Variants in DGKZ observed in about 807,000 individuals in gnomAD.
DGKZ encodes the protein diacylglycerol kinase zeta, also known as DAG kinase zeta.
A neutral mutation model predicts 142.5 loss-of-function variants in DGKZ; 45 were observed. The ratio of observed to expected loss-of-function variants is 0.32; its 90% confidence interval spans 0.25 to 0.40. The LOEUF is 0.40. Ranked by LOEUF, DGKZ falls within the 10% of genes least tolerant of loss-of-function variation. DGKZ has a pLI of 1.00. For synonymous variants in DGKZ, 442 were observed against 527.0 expected, an observed-to-expected ratio of 0.84 and a Z score of 2.21; for missense variants, 755 against 1,306.5, an observed-to-expected ratio of 0.58 and a Z score of 6.51.
chr11:46,375,268 C>T (rs1318533243), intron 19 of DGKZ, among the ~76,000 whole-genome samples, 164 bp from the exon 20 acceptor site: 1 of 152,218 alleles, frequency 6.6e-6, no homozygotes, highest in Non-Finnish European at 1.5e-5. Context: ...GCCTCTGTCC[C>T]TTCCCTTTCC....
At chr11:46,373,291 T>TG (rs920003985) in intron 14 of DGKZ, among the ~76,000 whole-genome samples, 190 bp downstream of exon 14, 6 of 141,582 alleles carry the variant, frequency 4.2e-5, no homozygotes, top group African/African-American at 5.3e-5. Flanking sequence ...TTTTGTTTTT[T>TG]TTTTTTTTTT....
chr11:46,365,069 G>T (rs1943097671), intron 1 of DGKZ: 1 of 985,432 alleles, frequency 1.0e-6, no homozygotes, highest in East Asian at 1.1e-4. Flanking sequence ...GGAGCTCGAT[G>T]CTGGCTGTGA....
At chr11:46,376,361 T>G (rs931662155) in exon 23 of DGKZ, 2 of 1,614,124 alleles carry the variant, frequency 1.2e-6, no homozygotes, top group Non-Finnish European at 1.7e-6. Flanking sequence ...GTCCCCGACA[T>G]GCCAGAAACT....
At chr11:46,346,336 G>A (rs1172234786), upstream of DGKZ, among the ~76,000 whole-genome samples, 1 of 152,156 alleles carries the variant, frequency 6.6e-6, no homozygotes, top group African/African-American at 2.4e-5. Context: ...TGGGCAGCAG[G>A]GTGGTAGGGT....
chr11:46,352,118 C>T (rs986315522), intron 1 of DGKZ, among the ~76,000 whole-genome samples: 8 of 152,230 alleles, frequency 5.3e-5, no homozygotes, highest in Admixed American at 2.6e-4. Context: ...CTCCAGAATT[C>T]GCCAGTGGCC....
chr11:46,374,671 G>A lies in DGKZ; in HGVS notation c.1524+5G>A, dbSNP rs1465205029. On this transcript the variant is annotated splice_donor_5th_base_variant and intron_variant, in intron 17 of 30. Transcript: ENST00000527911. ...GCCAAGCACATCCGAGTGGTGGTGA[G>A]CGGGGCCAGGCTGCCGTGGGTGGGT... 8.1e-6 allele frequency: 13 copies of A among 1,597,850 alleles called. No homozygotes were observed. Among genetic ancestry groups the A allele is most frequent in the Non-Finnish European group, 1.1e-5 (13 of 1,171,122 alleles).
At chr11:46,375,202 T>C (rs1944404102) in intron 19 of DGKZ, among the ~76,000 whole-genome samples, 157 bp downstream of exon 19, 1 of 152,144 alleles carries the variant, frequency 6.6e-6, no homozygotes, top group East Asian at 1.9e-4. Flanking sequence ...CCCCCTCTCC[T>C]CACTATGCCT....
intron 6 of DGKZ, among the ~76,000 whole-genome samples, chr11:46,370,328 A>G (rs893869342): frequency 2.6e-5 from 4 of 152,386 alleles, no homozygotes; most frequent in Non-Finnish European, 5.9e-5. Flanking sequence ...CCGAGCGCCA[A>G]GCTGGGCAGC....
chr11:46,378,145 C>G, intron 25 of DGKZ, 53 bp from the exon 26 acceptor site: 2 of 1,581,680 alleles, frequency 1.3e-6, no homozygotes, highest in South Asian at 2.3e-5. Context: ...TTGGGGAGGG[C>G]GACCAGCTGG....
Position 46,367,204 on chromosome 11 carries a change from C to A in DGKZ, c.162-87C>A. The A allele has an allele frequency of 7.3e-7, 1 of 1,364,078 alleles. No individual in the cohort carries two copies. Among genetic ancestry groups the A allele is most frequent in the Non-Finnish European group, 1.0e-6 (1 of 978,240 alleles). 84.5% of individuals were successfully genotyped at this position (1,364,078 alleles called of 1,614,324 possible). ...CCTCCGCCCTCCCTGTTGCCGAGGTCACGGAAAGGGCAGAGGCCCCAGGAG... is the reference window on the plus strand; with the variant it reads ...CCTCCGCCCTCCCTGTTGCCGAGGTAACGGAAAGGGCAGAGGCCCCAGGAG... On this transcript the variant is annotated intron_variant, in intron 1 of 30. Coordinates refer to ENST00000527911, the Ensembl canonical transcript of DGKZ. This position sits in a 1 kb window ranked among gnomAD's most constrained non-coding sequence, Gnocchi z 4.1.
intron 14 of DGKZ, 25 bp downstream of exon 14, chr11:46,373,126 G>A (rs1430325596): frequency 2.6e-6 from 4 of 1,530,176 alleles, no homozygotes; most frequent in African/African-American, 1.4e-5. Flanking sequence ...GTTGGTGGGG[G>A]GCAGGGCAGG....
At chr11:46,370,675 G>A (rs183656606) in intron 6 of DGKZ, among the ~76,000 whole-genome samples, 1 of 152,348 alleles carries the variant, frequency 6.6e-6, no homozygotes, top group East Asian at 1.9e-4. Context: ...AGCCTGCAGT[G>A]TGGCAGAACG....
At chr11:46,376,239 C>A (rs1944518892) in intron 22 of DGKZ, 89 bp from the exon 23 acceptor site, 1 of 1,603,772 alleles carries the variant, frequency 6.2e-7, no homozygotes, top group Non-Finnish European at 8.5e-7. Flanking sequence ...CCCTGCGGAG[C>A]CTCCTCTGTG....
In DGKZ at chr11:46,367,940, G is replaced by A. The variant is rs950849992; in HGVS notation, c.367-62G>A. 5.7e-6 allele frequency: 9 copies of A among 1,586,158 alleles called. No homozygotes were observed. Among genetic ancestry groups the A allele is most frequent in the Non-Finnish European group, 7.8e-6 (9 of 1,155,140 alleles). On this transcript the variant is annotated intron_variant, in intron 3 of 30. Transcript: ENST00000527911. This position sits in a 1 kb window ranked among gnomAD's most constrained non-coding sequence, Gnocchi z 4.1. ...GCACACAAAGGGCAGCTGTGCTGGG[G>A]CAGGCAGCCTCCGAGATAGACTTAC...
intron 1 of DGKZ, chr11:46,366,368 C>A: frequency 2.0e-6 from 3 of 1,521,892 alleles, no homozygotes; most frequent in East Asian, 2.4e-5. Context: ...GCGTCGCTCC[C>A]CCGCTGGGCA....
intron 26 of DGKZ, 41 bp downstream of exon 26, chr11:46,378,270 TG>T: frequency 6.3e-7 from 1 of 1,588,808 alleles, no homozygotes. Flanking sequence ...TCTGCCTGGT[TG>T]GGGGCAGGAG....
chr11:46,377,577 TCTCCATACC>T, intron 25 of DGKZ: 1 of 298,868 alleles, frequency 3.3e-6, no homozygotes, highest in South Asian at 6.7e-5. Flanking sequence ...CGAACCCCCA[TCTCCATACC>T]ACGGTCAACT....
intron 1 of DGKZ, among the ~76,000 whole-genome samples, chr11:46,352,700 G>A (rs1314126934): frequency 1.3e-5 from 2 of 152,258 alleles, no homozygotes; most frequent in Non-Finnish European, 2.9e-5. Flanking sequence ...CGGGGGCAGT[G>A]TGTGCAGGAA....
intron 22 of DGKZ, 59 bp from the exon 23 acceptor site, chr11:46,376,269 G>GTTCCC (rs1944526372): frequency 6.2e-7 from 1 of 1,610,882 alleles, no homozygotes; most frequent in East Asian, 2.2e-5. Flanking sequence ...CCTACTCCAA[G>GTTCCC]TTCCCTTCCC....
Sources: allele counts gnomAD v4.1 joint callset (sites outside exome capture counted in the v4.1 genomes callset), GRCh38; gene constraint gnomAD v4.1.1; non-coding constraint Gnocchi (gnomAD v3.1); transcripts MANE v1.5; gene names NCBI Gene and HGNC (gene_info 2026-07-23, HGNC 2026-07-21).